Variants in C11orf24 observed in about 807,000 individuals in gnomAD.
The protein encoded by C11orf24 is chromosome 11 open reading frame 24.
In C11orf24, 5 loss-of-function variants were observed where a neutral mutation model predicts 7.3. That is an observed-to-expected ratio of 0.69 (90% confidence interval 0.36 to 1.45). The LOEUF (loss-of-function observed/expected upper bound fraction) is 1.45, where lower values mean the gene tolerates loss of function less well. Among genes scored for constraint, C11orf24 ranks in the 40% most tolerant of loss-of-function variants. The pLI is 0.03. For synonymous variants in C11orf24, 233 were observed against 235.7 expected (o/e 0.99, Z 0.11); for missense variants, 566 against 590.5 (o/e 0.96, Z 0.43).
At chr11:68,265,098 C>G (rs1294704441) in intron 2 of C11orf24, among the ~76,000 whole-genome samples, 2 of 144,852 alleles carry the variant, frequency 1.4e-5, no homozygotes, top group East Asian at 2.1e-4. Flanking sequence ...ATTCTGAAAG[C>G]TGGGTGGGGG....
In C11orf24 at chr11:68,261,891, A is replaced by G; in HGVS notation, c.1104T>C (p.Thr368=). Residue 368 remains threonine, a synonymous_variant, in exon 4 of 4, where the codon ACT becomes ACC. Coordinates refer to ENST00000304271, the MANE Select transcript of C11orf24 (RefSeq NM_022338.4). ...TGPTPRSSGG[T]KMPATDSCQP... ...GGCACGAGTCCGTGGCTGGCATCTT[A>G]GTGCCCCCTGAGCTCCTGGGTGTTG... 1 of 1,614,012 alleles carries G rather than the reference A, an allele frequency of 6.2e-7. No individual in the cohort carries two copies. The highest frequency in any genetic ancestry group is 8.5e-7 in the Non-Finnish European group (1 of 1,180,038).
At chr11:68,267,117 T>C (rs1030211885) in intron 2 of C11orf24, 1 of 152,250 alleles carries the variant, frequency 6.6e-6, no homozygotes, top group Non-Finnish European at 1.5e-5. Context: ...GTGGGCATGG[T>C]TGTGTCCCAA....
chr11:68,262,485 C>A lies in C11orf24; in HGVS notation c.510G>T (p.Thr170=), dbSNP rs1436965749. ...TPMTLALPAP[T]STSTGRTPST... ...ACGGGGTCCGCCCTGTGGAAGTGGA[C>A]GTGGGCGCGGGGAGTGCAAGTGTCA... is the stretch of plus-strand genomic sequence containing the variant. The change falls in exon 4 of 4, where the codon ACG becomes ACT. Residue 170 remains threonine (T), a synonymous_variant. Coordinates refer to ENST00000304271, the MANE Select transcript of C11orf24 (RefSeq NM_022338.4). The A allele has an allele frequency of 1.2e-6, 2 of 1,613,964 alleles. No individual in the cohort carries two copies. The highest frequency in any genetic ancestry group is 1.7e-5 in the Admixed American group (1 of 59,992).
At chr11:68,265,437 G>C (rs1311268199) in intron 2 of C11orf24, among the ~76,000 whole-genome samples, 1 of 152,214 alleles carries the variant, frequency 6.6e-6, no homozygotes, top group African/African-American at 2.4e-5. Context: ...GCCGGCCCAA[G>C]TTGCTGTAAA....
chr11:68,264,720 C>A, intron 2 of C11orf24, among the ~76,000 whole-genome samples: 1 of 143,456 alleles, frequency 7.0e-6, no homozygotes, highest in African/African-American at 2.7e-5. Flanking sequence ...ATCCATGCAC[C>A]CAGCCATCCT....
In C11orf24 at chr11:68,262,922, A is replaced by G; in HGVS notation, c.77-4T>C. On this transcript the variant is annotated splice_polypyrimidine_tract_variant and splice_region_variant and intron_variant, in intron 3 of 3. Transcript: ENST00000304271. ...ATTTTGTTAGGGACAAAGTTGCCTT[A>G]AAGTCAGAAAAAGGAGAAAAAGAGA... 6.2e-7 allele frequency: 1 copy of G among 1,610,648 alleles called. No individual in the cohort carries two copies. Among genetic ancestry groups the G allele is most frequent in the Admixed American group, 1.7e-5 (1 of 59,882 alleles).
At chr11:68,268,553 G>A (rs561331261) in intron 1 of C11orf24, among the ~76,000 whole-genome samples, 2 of 152,274 alleles carry the variant, frequency 1.3e-5, no homozygotes, top group South Asian at 4.2e-4. Flanking sequence ...TTAGCTGGGC[G>A]TGGTGGTGGG....
intron 2 of C11orf24, among the ~76,000 whole-genome samples, chr11:68,266,487 T>C (rs770012230): frequency 1.3e-5 from 2 of 152,236 alleles, no homozygotes; most frequent in Non-Finnish European, 2.9e-5. Context: ...TAGCTTCAAA[T>C]GGTGCTTTCT....
At chr11:68,269,041 G>T (rs536725690) in intron 1 of C11orf24, among the ~76,000 whole-genome samples, 62 of 152,046 alleles carry the variant, frequency 4.1e-4, no homozygotes, top group African/African-American at 1.5e-3. Flanking sequence ...ATTTGCACTA[G>T]AATGTTAATG....
Position 68,261,608 on chromosome 11 carries a change from G to C in C11orf24, c.*37C>G. On this transcript the variant is annotated 3_prime_UTR_variant, in exon 4 of 4. Transcript: ENST00000304271. ...TCTCAAAGGCAAAAGGAAAGGACGA[G>C]GAAGGGGCCAGGCCTCCCGCCAGGC... is the stretch of plus-strand genomic sequence containing the variant. 1 of 1,555,110 alleles carries C rather than the reference G, an allele frequency of 6.4e-7. No individual in the cohort carries two copies. Among genetic ancestry groups the C allele is most frequent in the Non-Finnish European group, 8.7e-7 (1 of 1,147,402 alleles).
intron 1 of C11orf24, among the ~76,000 whole-genome samples, chr11:68,270,759 C>T (rs1373699847): frequency 7.2e-5 from 11 of 152,168 alleles, no homozygotes; most frequent in Admixed American, 6.5e-4. Context: ...CCAAGTTAGG[C>T]AAGCTACAGA....
At chr11:68,263,616 ATGC>A in intron 3 of C11orf24, 73 bp downstream of exon 3, 1 of 1,407,646 alleles carries the variant, frequency 7.1e-7, no homozygotes, top group South Asian at 1.2e-5. Context: ...GGGTTTGCAG[ATGC>A]TGCTTTCAAG....
At chr11:68,269,566 T>C (rs2098566854) in intron 1 of C11orf24, among the ~76,000 whole-genome samples, 1 of 152,198 alleles carries the variant, frequency 6.6e-6, no homozygotes, top group African/African-American at 2.4e-5. Context: ...TCACACACGC[T>C]TGTGTGCGCA....
chr11:68,269,715 G>A (rs1025566247), intron 1 of C11orf24, among the ~76,000 whole-genome samples: 7 of 152,200 alleles, frequency 4.6e-5, no homozygotes, highest in Non-Finnish European at 8.8e-5. Flanking sequence ...GGCTATATCA[G>A]GACACTCCAC....
intron 3 of C11orf24, 90 bp from the exon 4 acceptor site, chr11:68,263,008 G>A: frequency 7.8e-7 from 1 of 1,281,852 alleles, no homozygotes; most frequent in Non-Finnish European, 1.1e-6. Flanking sequence ...ACCCAGGCCT[G>A]TGGGGCCCCC....
Position 68,262,785 on chromosome 11 carries a change from C to T in C11orf24, c.210G>A (p.Ser70=), listed in dbSNP as rs546712337. The T allele has an allele frequency of 1.5e-5, 25 of 1,614,098 alleles. No homozygotes were observed. In the Middle Eastern group the frequency reaches 8.2e-4, roughly 53 times the overall value. Residue 70 remains serine, a synonymous_variant, in exon 4 of 4, where the codon TCG becomes TCA. Coordinates refer to ENST00000304271, the MANE Select transcript of C11orf24 (RefSeq NM_022338.4). The part of the protein sequence containing the change: ...ASPVTLTKGT[S]AAHLNSMEVT... ...CTTCCATAGAGTTGAGGTGGGCTGC[C>T]GAAGTCCCTTTGGTCAATGTGACAG...
rs1211205520 is a variant in C11orf24 at position 68,262,323 on chromosome 11, G to A, written c.672C>T (p.Ser224=). The A allele has an allele frequency of 1.2e-6, 2 of 1,613,844 alleles. No individual in the cohort carries two copies. The highest frequency in any genetic ancestry group is 2.7e-5 in the African/African-American group (2 of 74,902). Residue 224 remains serine, a synonymous_variant, in exon 4 of 4, where the codon AGC becomes AGT. Transcript: ENST00000304271. ...AQTVATTANT[S]SPMSTRPSPS... ...GACTTGGACGAGTGCTCATGGGGCT[G>A]CTTGTGTTTGCTGTGGTCGCTACAG...
chr11:68,268,640 C>T (rs1055344931), intron 1 of C11orf24, among the ~76,000 whole-genome samples: 3 of 152,066 alleles, frequency 2.0e-5, no homozygotes, highest in South Asian at 2.1e-4. Flanking sequence ...TGCAGTGAGC[C>T]GAGATTGAGC....
intron 1 of C11orf24, among the ~76,000 whole-genome samples, chr11:68,269,972 A>G (rs1401172908): frequency 6.6e-6 from 1 of 152,246 alleles, no homozygotes; most frequent in Non-Finnish European, 1.5e-5. Flanking sequence ...TGGACAAACC[A>G]TTAACAACAT....
Sources: allele counts gnomAD v4.1 joint callset (sites outside exome capture counted in the v4.1 genomes callset), GRCh38; gene constraint gnomAD v4.1.1; transcripts MANE v1.5; gene names NCBI Gene and HGNC (gene_info 2026-07-23, HGNC 2026-07-21).